RALYL: variants seen among roughly 807,000 people sequenced by gnomAD.
RALYL encodes RALY RNA binding protein like, also known as RNA-binding Raly-like protein.
Under a neutral mutation model 35.1 loss-of-function variants are expected in RALYL, and 29 were observed. The ratio of observed to expected loss-of-function variants is 0.83; its 90% CI spans 0.61 to 1.13. The LOEUF (loss-of-function observed/expected upper bound fraction) is 1.13. Ranked by LOEUF, RALYL falls within the 50% of genes most tolerant of loss-of-function variation. The probability of loss-of-function intolerance (pLI) is 0.00; values close to 1 mark genes in which losing one functional copy is unlikely to be tolerated. For missense variants in RALYL, 359 were observed against 360.4 expected (o/e 1.00, Z 0.03); for synonymous variants, 120 against 127.6 (o/e 0.94, Z 0.40).
chr8:84,568,035 C>T (rs1399556300), intron 2 of RALYL, among the ~76,000 whole-genome samples: 4 of 150,990 alleles, frequency 2.6e-5, no homozygotes, highest in Non-Finnish European at 4.4e-5. Context: ...ATGTCCTTTT[C>T]CCAGTTTTTT....
intron 1 of RALYL, among the ~76,000 whole-genome samples, chr8:84,369,153 C>T (rs1319019962): frequency 2.6e-5 from 4 of 152,024 alleles, no homozygotes; most frequent in Admixed American, 6.6e-5. Context: ...TGAAGTTTAT[C>T]GCTGTCCTCA....
chr8:84,687,679 T>C (rs142100952), intron 2 of RALYL, among the ~76,000 whole-genome samples: 2 of 152,260 alleles, frequency 1.3e-5, no homozygotes, highest in East Asian at 1.9e-4. Context: ...TGTAGTACAC[T>C]GAATTTTTTA....
intron 1 of RALYL, among the ~76,000 whole-genome samples, chr8:84,511,892 A>T (rs116960985): frequency 6.6e-6 from 1 of 152,274 alleles, no homozygotes; most frequent in East Asian, 1.9e-4. Context: ...TTATGGCTAG[A>T]TAGTATTCCA....
intron 1 of RALYL, among the ~76,000 whole-genome samples, chr8:84,422,199 A>C (rs962924003): frequency 1.6e-5 from 2 of 122,412 alleles, no homozygotes; most frequent in African/African-American, 6.9e-5. Context: ...TGGTTGGTAA[A>C]CTATTGATTA....
rs912253179 is a variant in RALYL at position 84,661,109 on chromosome 8, TA to T, written c.257-113469del. On this transcript the variant is annotated intron_variant, in intron 2 of 8. Transcript: ENST00000521268. ...ATGCCCGGCTAATTTTTTGTATTTT[TA>T]GTAGAGACGGGGTTTCACCGTGTTA... Among the ~76,000 whole-genome samples the T allele has an allele frequency of 3.0e-4, 46 of 152,096 alleles. 1 individual carries two copies. The highest frequency in any genetic ancestry group is 1.1e-3 in the African/African-American group (44 of 41,504).
At chr8:84,404,780 A>C (rs1353434745) in intron 1 of RALYL, among the ~76,000 whole-genome samples, 1 of 152,164 alleles carries the variant, frequency 6.6e-6, no homozygotes, top group African/African-American at 2.4e-5. Flanking sequence ...GGTAGAATTC[A>C]GCTGTGAATC....
chr8:84,279,565 A>G (rs1319809811), intron 1 of RALYL, among the ~76,000 whole-genome samples: 2 of 152,214 alleles, frequency 1.3e-5, no homozygotes, highest in East Asian at 3.9e-4. Flanking sequence ...TAATATTAGA[A>G]CAAATTCATT....
chr8:84,239,906 A>T (rs1827489709), intron 1 of RALYL, among the ~76,000 whole-genome samples: 1 of 151,830 alleles, frequency 6.6e-6, no homozygotes, highest in Non-Finnish European at 1.5e-5. Flanking sequence ...AATAAATAAA[A>T]ATAAATAAAA....
intron 2 of RALYL, among the ~76,000 whole-genome samples, chr8:84,536,404 A>G (rs571823649): frequency 1.3e-5 from 2 of 152,338 alleles, no homozygotes; most frequent in South Asian, 4.1e-4. Context: ...TCTAACAAAT[A>G]CATTAGTTTT....
chr8:84,704,388 G>A (rs148391144), intron 2 of RALYL, among the ~76,000 whole-genome samples: 1 of 151,336 alleles, frequency 6.6e-6, no homozygotes, highest in African/African-American at 2.4e-5. Context: ...TCGCACAACT[G>A]TACTCCAGCC....
intron 1 of RALYL, among the ~76,000 whole-genome samples, chr8:84,303,345 G>T (rs986245406): frequency 6.6e-6 from 1 of 152,152 alleles, no homozygotes; most frequent in East Asian, 1.9e-4. Flanking sequence ...TAGTAATGAA[G>T]AGCAGCATTG....
chr8:84,199,575 C>T (rs1175801924), intron 1 of RALYL, among the ~76,000 whole-genome samples: 1 of 152,078 alleles, frequency 6.6e-6, no homozygotes, highest in African/African-American at 2.4e-5. Context: ...TTGCCCAGAC[C>T]AATGTCCTGG....
chr8:84,378,687 C>T (rs911619233), intron 1 of RALYL, among the ~76,000 whole-genome samples: 11 of 151,800 alleles, frequency 7.2e-5, no homozygotes, highest in African/African-American at 2.2e-4. Flanking sequence ...ATGGTTTCCG[C>T]GAGATCTAGC....
chr8:84,496,786 T>C (rs1343408471), intron 1 of RALYL, among the ~76,000 whole-genome samples: 1 of 152,158 alleles, frequency 6.6e-6, no homozygotes, highest in African/African-American at 2.4e-5. Flanking sequence ...CCACAGTCAG[T>C]GATACACTAA....
At chr8:84,661,275 G>A (rs1830856285) in intron 2 of RALYL, among the ~76,000 whole-genome samples, 1 of 151,888 alleles carries the variant, frequency 6.6e-6, no homozygotes, top group South Asian at 2.1e-4. Context: ...TATTATTTTT[G>A]CCCTGTGATA....
intron 1 of RALYL, among the ~76,000 whole-genome samples, chr8:84,453,527 C>CGA (rs2049762540): frequency 6.6e-6 from 1 of 151,744 alleles, no homozygotes; most frequent in Non-Finnish European, 1.5e-5. Flanking sequence ...TAATATCTAA[C>CGA]GAGAGAGAGA....
At chr8:84,326,736 AT>A (rs1248757750) in intron 1 of RALYL, among the ~76,000 whole-genome samples, 2 of 152,230 alleles carry the variant, frequency 1.3e-5, no homozygotes, top group African/African-American at 4.8e-5. Flanking sequence ...TATGTGACAG[AT>A]ATCAAAATTA....
chr8:84,314,347 A>G (rs1843357955), intron 1 of RALYL, among the ~76,000 whole-genome samples: 1 of 152,100 alleles, frequency 6.6e-6, no homozygotes, highest in Non-Finnish European at 1.5e-5. Context: ...TATATATAAT[A>G]CCTTAAGCCC....
intron 1 of RALYL, among the ~76,000 whole-genome samples, chr8:84,197,580 C>T (rs1326867335): frequency 6.6e-6 from 1 of 152,084 alleles, no homozygotes; most frequent in Non-Finnish European, 1.5e-5. Context: ...TATTTTTCTA[C>T]TTCCCCTTGA....
Sources: allele counts gnomAD v4.1 joint callset (sites outside exome capture counted in the v4.1 genomes callset), GRCh38; gene constraint gnomAD v4.1.1; transcripts MANE v1.5; gene names NCBI Gene and HGNC (gene_info 2026-07-23, HGNC 2026-07-21).